The following DLGAP5 variants were observed in gnomAD, a reference collection of about 807,000 sequenced individuals.
The protein encoded by DLGAP5 is disks large-associated protein 5.
A neutral mutation model predicts 99.6 loss-of-function variants in DLGAP5; 90 were observed. That is an observed-to-expected ratio of 0.90 (90% CI 0.76 to 1.08). The LOEUF is 1.08. Among genes scored for constraint, DLGAP5 ranks in the 50% least tolerant of loss-of-function variants. DLGAP5 has a pLI of 0.00. For synonymous variants in DLGAP5, 311 were observed against 321.3 expected, an observed-to-expected ratio of 0.97 and a Z score of 0.34; for missense variants, 1,036 against 983.5, an observed-to-expected ratio of 1.05 and a Z score of -0.71.
chr14:55,169,175 CAAAAAAAAAA>C (rs34906311), intron 12 of DLGAP5, among the ~76,000 whole-genome samples: 1 of 63,900 alleles, frequency 1.6e-5, no homozygotes, highest in African/African-American at 5.4e-5. Flanking sequence ...GACTCCGTCT[CAAAAAAAAAA>C]AAAAAAAAAA....
intron 12 of DLGAP5, among the ~76,000 whole-genome samples, chr14:55,165,557 A>T (rs1038220826): frequency 6.6e-6 from 1 of 151,914 alleles, no homozygotes; most frequent in Non-Finnish European, 1.5e-5. Context: ...AAAAAACCCT[A>T]CAATGAGATA....
At position 55,188,953 on chromosome 14, in the gene DLGAP5, T is replaced by C. The variant is rs776380843; in HGVS notation, c.227A>G (p.Asn76Ser). 10 of 1,612,692 alleles carry C rather than the reference T, an allele frequency of 6.2e-6. No individual in the cohort carries two copies. The highest frequency in any genetic ancestry group is 2.2e-5 in the South Asian group (2 of 90,770). The stretch of plus-strand genomic sequence containing the variant: ...AGACCTTTACTTACTTGGCTTAACA[T>C]TGGTCTTTTCTGGAACAAGCCCTTG... ...TSQGLVPEKT[N>S]VKPRAMKTIL... is the part of the protein sequence containing the mutation. The change falls in exon 2 of 19, where the codon AAT (asparagine) becomes AGT (serine). Residue 76 changes from asparagine (N) to serine (S), a missense_variant. Physicochemically the swap from Asn to Ser is conservative, Grantham distance 46. Coordinates refer to ENST00000247191, the MANE Select transcript of DLGAP5 (RefSeq NM_014750.5).
At chr14:55,175,755 A>G (rs1883039044) in intron 9 of DLGAP5, 139 bp downstream of exon 9, 4 of 733,540 alleles carry the variant, frequency 5.5e-6, no homozygotes, top group Non-Finnish European at 8.3e-6. Context: ...TCCCCAAATG[A>G]TATGGTGAAA....
At chr14:55,183,854 G>T in intron 2 of DLGAP5, 101 bp from the exon 3 acceptor site, 1 of 1,235,540 alleles carries the variant, frequency 8.1e-7, no homozygotes, top group South Asian at 1.8e-5. Context: ...TTCAACTGCT[G>T]CTAAAAAATG....
chr14:55,154,538 C>T (rs900761132), intron 15 of DLGAP5, 79 bp downstream of exon 15: 1 of 1,213,786 alleles, frequency 8.2e-7, no homozygotes, highest in African/African-American at 1.5e-5. Flanking sequence ...ATGTCTGGCA[C>T]CTTTTACCAT....
At chr14:55,148,510 A>T in intron 18 of DLGAP5, 37 bp from the exon 19 acceptor site, 1 of 1,613,420 alleles carries the variant, frequency 6.2e-7, no homozygotes, top group South Asian at 1.1e-5. Context: ...TAAAGTATCC[A>T]TCAAGAGTTT....
At position 55,151,791 on chromosome 14, in the gene DLGAP5, T is replaced by C. The variant is rs778114777; in HGVS notation, c.2272A>G (p.Ile758Val). ...VVEGMELNSS[I>V]TSQDVLMSSP... ...CTCATCAAAACATCCTGTGATGTAATTGAAGAATTCAGTTCCATTCCTTCC... is the reference window on the plus strand; with the variant it reads ...CTCATCAAAACATCCTGTGATGTAACTGAAGAATTCAGTTCCATTCCTTCC... The change falls in exon 17 of 19, where the codon ATT (isoleucine) becomes GTT (valine). Residue 758 changes from isoleucine (I) to valine (V), a missense_variant. By Grantham distance (29) the Ile-to-Val change is conservative. Coordinates refer to ENST00000247191, the MANE Select transcript of DLGAP5 (RefSeq NM_014750.5). 40 of 1,613,898 alleles carry C rather than the reference T, an allele frequency of 2.5e-5. No homozygotes were observed. The highest frequency in any genetic ancestry group is 3.3e-5 in the South Asian group (3 of 91,084).
At chr14:55,176,883 CAGA>C (rs1348657439) in intron 8 of DLGAP5, among the ~76,000 whole-genome samples, 176 bp downstream of exon 8, 1 of 138,230 alleles carries the variant, frequency 7.2e-6, no homozygotes, top group Non-Finnish European at 1.5e-5. Flanking sequence ...GAGGCTGAGG[CAGA>C]AGAATGGCGT....
chr14:55,180,474 A>G (rs1265953234), intron 6 of DLGAP5, among the ~76,000 whole-genome samples, 182 bp downstream of exon 6: 1 of 152,232 alleles, frequency 6.6e-6, no homozygotes, highest in Admixed American at 6.5e-5. Context: ...AAGGTCTTCA[A>G]TGATTGGGCA....
At chr14:55,158,778 A>C (rs1467879011) in intron 13 of DLGAP5, 37 bp from the exon 14 acceptor site, 5 of 1,471,796 alleles carry the variant, frequency 3.4e-6, no homozygotes, top group Non-Finnish European at 4.7e-6. Context: ...GCTGCCCATT[A>C]CCATCTTACA....
In DLGAP5 at chr14:55,170,098, G is replaced by C. The variant is rs6650509; in HGVS notation, c.1388-539C>G. 9.3e-3 allele frequency among the ~76,000 whole-genome samples: 1,417 copies of C among 151,808 alleles called. 31 individuals are homozygous for C. Among genetic ancestry groups the C allele is most frequent in the African/African-American group, 0.033 (1,365 of 41,378 alleles). ...TGCAGGGAGCCGATATGGCGCCATT[G>C]CACTCCAGCCTGGGCAACAAGAGCA... On this transcript the variant is annotated intron_variant, in intron 11 of 18. Transcript: ENST00000247191.
At chr14:55,176,976 GAAA>G (rs34109336) in intron 8 of DLGAP5, 83 bp downstream of exon 8, 3,913 of 251,872 alleles carry the variant, frequency 0.016, no homozygotes, top group Non-Finnish European at 0.017. Context: ...AACTCCGTCT[GAAA>G]AAAAAAAAAA....
At chr14:55,158,030 T>C (rs1882274656) in intron 14 of DLGAP5, among the ~76,000 whole-genome samples, 1 of 152,226 alleles carries the variant, frequency 6.6e-6, no homozygotes, top group African/African-American at 2.4e-5. Flanking sequence ...CTCAAAGTAC[T>C]GGGATTATAG....
At chr14:55,167,501 TTTAGACTTAATAATTGTTTTGCTTTTTG>T (rs1375669364) in intron 12 of DLGAP5, among the ~76,000 whole-genome samples, 5 of 152,204 alleles carry the variant, frequency 3.3e-5, no homozygotes, top group Non-Finnish European at 7.3e-5. Context: ...CAACGTTTTC[TTTAGACTTAATAATTGTTTTGCTTTTTG>T]TTTGCTCAGG....
rs552310872 is a variant in DLGAP5 at position 55,175,929 on chromosome 14, G to A, written c.1139C>T (p.Pro380Leu). The A allele has an allele frequency of 6.8e-6, 11 of 1,609,020 alleles. No individual in the cohort carries two copies. The highest frequency in any genetic ancestry group is 1.7e-4 in the Middle Eastern group (1 of 6,046). Residue 380 changes from proline to leucine, a missense_variant, in exon 9 of 19, where the codon CCA becomes CTA. By Grantham distance (98) the Pro-to-Leu change is moderately conservative (BLOSUM62 -3). Transcript: ENST00000247191. ...KTIQQDSNKL[P>L]CPLGPLTVWH... ...AACAGTTAGAGGACCCAAAGGACAT[G>A]GCAATTTATTTGAATCTTGCTGTAT...
At chr14:55,166,001 C>G (rs1223956198) in intron 12 of DLGAP5, among the ~76,000 whole-genome samples, 1 of 152,184 alleles carries the variant, frequency 6.6e-6, no homozygotes, top group Non-Finnish European at 1.5e-5. Flanking sequence ...TGGGCAGTTT[C>G]TTAAAAAGTT....
At chr14:55,170,084 G>T (rs1048321755) in intron 11 of DLGAP5, among the ~76,000 whole-genome samples, 1 of 151,640 alleles carries the variant, frequency 6.6e-6, no homozygotes, top group African/African-American at 2.4e-5. Flanking sequence ...GCAGGGAGCC[G>T]ATATGGCGCC....
chr14:55,165,401 T>C (rs1005919137), intron 12 of DLGAP5, among the ~76,000 whole-genome samples: 1 of 152,096 alleles, frequency 6.6e-6, no homozygotes, highest in African/African-American at 2.4e-5. Flanking sequence ...CACATGCCTG[T>C]AGTCTCAGCA....
chr14:55,154,033 G>A (rs1325517687), intron 15 of DLGAP5, among the ~76,000 whole-genome samples: 2 of 152,098 alleles, frequency 1.3e-5, no homozygotes, highest in Admixed American at 6.5e-5. Flanking sequence ...TCCAGCCTAG[G>A]CAACAGAGTG....
Sources: gnomAD v4.1 joint callset for allele counts (sites outside exome capture counted in the v4.1 genomes callset) on GRCh38, gnomAD v4.1.1 for gene constraint, MANE v1.5 for transcripts, NCBI Gene and HGNC (gene_info 2026-07-23, HGNC 2026-07-21) for gene names.